FANCI: variants seen among roughly 807,000 people sequenced by gnomAD.
The protein encoded by FANCI is Fanconi anemia group I protein.
A neutral mutation model predicts 176.1 loss-of-function variants in FANCI; 156 were observed. That is an observed-to-expected ratio of 0.89 (90% CI 0.78 to 1.01). The LOEUF (loss-of-function observed/expected upper bound fraction) is 1.01. Among genes scored for constraint, FANCI ranks in the 50% least tolerant of loss-of-function variants. The probability of loss-of-function intolerance (pLI) is 0.00; values close to 1 mark genes in which losing one functional copy is unlikely to be tolerated. For missense variants in FANCI, 1,678 were observed against 1,534.1 expected, an observed-to-expected ratio of 1.09 and a Z score of -1.57; for synonymous variants, 613 against 541.7, an observed-to-expected ratio of 1.13 and a Z score of -1.83.
In FANCI at chr15:89,316,771, G is replaced by A. The variant is rs144346886; in HGVS notation, c.*312G>A. On this transcript the variant is annotated 3_prime_UTR_variant, in exon 38 of 38. Coordinates refer to ENST00000310775, the MANE Select transcript of FANCI (RefSeq NM_001113378.2). ...CAGTGCTATGGTCCAGGCTGGCTTC[G>A]TTTTTCCAAGGAGCCTTTGGTGAGT... The A allele has an allele frequency of 2.5e-6, 4 of 1,613,580 alleles. No homozygotes were observed. Among genetic ancestry groups the A allele is most frequent in the African/African-American group, 1.3e-5 (1 of 74,884 alleles).
intron 28 of FANCI, among the ~76,000 whole-genome samples, 158 bp from the exon 29 acceptor site, chr15:89,304,957 G>A (rs2054660432): frequency 1.3e-5 from 2 of 152,086 alleles, no homozygotes; most frequent in South Asian, 4.1e-4. Context: ...TATATTTTTA[G>A]TAGAGACGGG....
Position 89,273,409 on chromosome 15 carries a change from A to T in FANCI, c.915A>T (p.Leu305Phe). Reference sequence around the variant, plus strand: ...AGCAAGGAGATTCCAATAATAACTTAAGTCCCTTCAGCATTGCTCTTCTTC... The same window carrying T: ...AGCAAGGAGATTCCAATAATAACTTTAGTCCCTTCAGCATTGCTCTTCTTC... ...VGQQGDSNNN[L>F]SPFSIALLLS... The change falls in exon 11 of 38, where the codon TTA (leucine) becomes TTT (phenylalanine). Residue 305 changes from leucine (L) to phenylalanine (F), a missense_variant. By Grantham distance (22) the Leu-to-Phe change is conservative. Coordinates refer to ENST00000310775, the MANE Select transcript of FANCI (RefSeq NM_001113378.2). 6.2e-7 allele frequency: 1 copy of T among 1,608,714 alleles called. No individual in the cohort carries two copies. Among genetic ancestry groups the T allele is most frequent in the Non-Finnish European group, 8.5e-7 (1 of 1,176,206 alleles).
In FANCI at chr15:89,261,836, A is replaced by C. The variant is rs761332032; in HGVS notation, c.461A>C (p.Glu154Ala). 3.1e-6 allele frequency: 5 copies of C among 1,614,054 alleles called. No homozygotes were observed. Among genetic ancestry groups the C allele is most frequent in the Non-Finnish European group, 4.2e-6 (5 of 1,179,982 alleles). Reference sequence around the variant, plus strand: ...GCATTTCTAGGTGTACTGAGTGGGGAAGAATGTAAGAAACAGTTGATTAAC... The same window carrying C: ...GCATTTCTAGGTGTACTGAGTGGGGCAGAATGTAAGAAACAGTTGATTAAC... ...LAYGKGVLSG[E>A]ECKKQLINTL... Residue 154 changes from glutamate to alanine, a missense_variant, in exon 6 of 38, where the codon GAA (glutamate) becomes GCA (alanine). By Grantham distance (107) the Glu-to-Ala change is moderately radical. This residue lies in a region of FANCI where 469 missense variants were observed against 436.9 expected (regional missense o/e 1.07). Coordinates refer to ENST00000310775, the MANE Select transcript of FANCI (RefSeq NM_001113378.2).
intron 34 of FANCI, 29 bp downstream of exon 34, chr15:89,307,701 G>A (rs778388672): frequency 6.2e-7 from 1 of 1,614,068 alleles, no homozygotes; most frequent in Non-Finnish European, 8.5e-7. Context: ...GTACCCAATA[G>A]GTCTTCAAGA....
intron 35 of FANCI, among the ~76,000 whole-genome samples, chr15:89,313,662 T>C (rs994952769): frequency 2.0e-5 from 3 of 152,168 alleles, no homozygotes; most frequent in Admixed American, 1.3e-4. Flanking sequence ...CATTCTGATG[T>C]AGCAGTTTCA....
Position 89,301,319 on chromosome 15 carries a change from T to C in FANCI, c.2890-7T>C. 6.2e-7 allele frequency: 1 copy of C among 1,601,060 alleles called. No individual in the cohort carries two copies. Among genetic ancestry groups the C allele is most frequent in the Non-Finnish European group, 8.6e-7 (1 of 1,168,162 alleles). On this transcript the variant is annotated splice_polypyrimidine_tract_variant and splice_region_variant and intron_variant, in intron 26 of 37. Transcript: ENST00000310775. ...CATTGCTTGCTGTGTGTGCCTTCCT[T>C]TCTCAGAGGTCCTTGTTGAATTTAC...
At chr15:89,289,834 G>T (rs540956794) in intron 18 of FANCI, among the ~76,000 whole-genome samples, 9 of 152,002 alleles carry the variant, frequency 5.9e-5, no homozygotes, top group African/African-American at 2.2e-4. Context: ...GTGATTACAG[G>T]CATGTGCCAC....
At chr15:89,262,638 C>T (rs1224310735) in intron 6 of FANCI, among the ~76,000 whole-genome samples, 1 of 152,178 alleles carries the variant, frequency 6.6e-6, no homozygotes, top group African/African-American at 2.4e-5. Flanking sequence ...TGGTTCCTTA[C>T]ATAAGATCCC....
intron 27 of FANCI, among the ~76,000 whole-genome samples, chr15:89,302,293 G>C (rs548139069): frequency 6.6e-6 from 1 of 152,100 alleles, no homozygotes; most frequent in African/African-American, 2.4e-5. Flanking sequence ...CCCAAAGAAA[G>C]TCCCTTTGGT....
intron 34 of FANCI, among the ~76,000 whole-genome samples, chr15:89,309,158 CCTTTT>C (rs1439602696): frequency 6.6e-6 from 1 of 152,140 alleles, no homozygotes; most frequent in Admixed American, 6.5e-5. Context: ...CTGGTCCTCT[CCTTTT>C]ATCTCACCCA....
At chr15:89,314,492 T>C (rs2055121305) in intron 35 of FANCI, 120 bp from the exon 36 acceptor site, 3 of 710,024 alleles carry the variant, frequency 4.2e-6, no homozygotes, top group African/African-American at 4.1e-5. Context: ...ACAACTGCAT[T>C]TGATTGGGAG....
chr15:89,273,322 AAAAAG>A lies in FANCI; in HGVS notation c.883-50_883-46del, dbSNP rs573813614. The A allele has an allele frequency of 5.8e-3, 5,413 of 927,500 alleles. 149 individuals are homozygous for A. In the African/African-American group the frequency reaches 0.077, roughly 13 times the overall value. The allele number at this position is 927,500 out of a possible 1,614,324, so 57.5% of individuals were successfully genotyped here. A position where few individuals can be genotyped will look rare whatever the true frequency, so the allele number is the denominator to read the frequency against. On this transcript the variant is annotated intron_variant, in intron 10 of 37. Transcript: ENST00000310775. ...ATCTTTTTTTTTTTAAAAAAAAAAAAAAAAGAAAAAAGAAAATGTAAGTAAATGAC... is the reference window on the plus strand; with the variant it reads ...ATCTTTTTTTTTTTAAAAAAAAAAAAAAAAAAGAAAATGTAAGTAAATGAC...
chr15:89,278,864 G>A, intron 14 of FANCI, 90 bp downstream of exon 14: 1 of 988,238 alleles, frequency 1.0e-6, no homozygotes, highest in Non-Finnish European at 1.6e-6. Flanking sequence ...AAATTTTAAT[G>A]AGCATTTAAA....
intron 2 of FANCI, among the ~76,000 whole-genome samples, chr15:89,251,478 T>C (rs903043060): frequency 4.6e-5 from 7 of 152,220 alleles, no homozygotes; most frequent in Non-Finnish European, 8.8e-5. Flanking sequence ...AAGTATAACA[T>C]TGAATTAAAC....
intron 34 of FANCI, among the ~76,000 whole-genome samples, chr15:89,308,903 A>G (rs570310632): frequency 1.3e-5 from 2 of 151,696 alleles, no homozygotes; most frequent in African/African-American, 2.4e-5. Flanking sequence ...CAAAGATCGC[A>G]CTGTTGTGCT....
intron 2 of FANCI, among the ~76,000 whole-genome samples, chr15:89,254,779 T>C (rs1596226769): frequency 6.6e-6 from 1 of 152,192 alleles, no homozygotes; most frequent in Non-Finnish European, 1.5e-5. Context: ...GCCACTGCAG[T>C]CCAGCCAGGG....
At chr15:89,285,750 A>G (rs1283203012) in intron 18 of FANCI, among the ~76,000 whole-genome samples, 1 of 152,108 alleles carries the variant, frequency 6.6e-6, no homozygotes, top group Non-Finnish European at 1.5e-5. Context: ...TGCTTTGTTA[A>G]TGATTACAAG....
At position 89,301,479 on chromosome 15, in the gene FANCI, C is replaced by G. The variant is rs199810791; in HGVS notation, c.3006+37C>G. Reference sequence around the variant, plus strand: ...GCTAACTTAATCCCATTTAGCATTCCTCAGAAGGCAAGGATTATTGCATCA... The same window carrying G: ...GCTAACTTAATCCCATTTAGCATTCGTCAGAAGGCAAGGATTATTGCATCA... On this transcript the variant is annotated intron_variant, in intron 27 of 37. Transcript: ENST00000310775. 13 of 1,347,450 alleles carry G rather than the reference C, an allele frequency of 9.6e-6. No homozygotes were observed. In the East Asian group the frequency reaches 1.4e-4, roughly 14 times the overall value. The allele number at this position is 1,347,450 out of a possible 1,614,324, so 83.5% of individuals were successfully genotyped here. A position where few individuals can be genotyped will look rare whatever the true frequency, so the allele number is the denominator to read the frequency against.
At chr15:89,281,073 G>A in intron 14 of FANCI, 97 bp from the exon 15 acceptor site, 3 of 1,305,004 alleles carry the variant, frequency 2.3e-6, no homozygotes, top group Non-Finnish European at 3.3e-6. Flanking sequence ...ATTTGAGAAA[G>A]GAAACAAAAG....
Sources: gnomAD v4.1 joint callset for allele counts (sites outside exome capture counted in the v4.1 genomes callset) on GRCh38, gnomAD v4.1.1 for gene constraint, gnomAD v4.1.1 regional missense constraint, MANE v1.5 for transcripts, NCBI Gene and HGNC (gene_info 2026-07-23, HGNC 2026-07-21) for gene names.